The following MOB1B variants were observed in gnomAD, a reference collection of about 807,000 sequenced individuals.
MOB1B encodes MOB1 Mps One Binder homolog B.
Under a neutral mutation model 24.4 loss-of-function variants are expected in MOB1B, and 19 were observed. The observed-to-expected ratio is 0.78, with a 90% CI of 0.54 to 1.14. MOB1B has a LOEUF of 1.14. Among genes scored for constraint, MOB1B ranks in the 50% most tolerant of loss-of-function variants. The pLI, the probability that MOB1B is intolerant of heterozygous loss-of-function variation, is 0.00. For synonymous variants in MOB1B, 76 were observed against 82.1 expected, an observed-to-expected ratio of 0.93 and a Z score of 0.40; for missense variants, 243 against 259.6, an observed-to-expected ratio of 0.94 and a Z score of 0.44.
intron 2 of MOB1B, among the ~76,000 whole-genome samples, chr4:70,963,555 C>G (rs544576758): frequency 6.6e-6 from 1 of 152,046 alleles, no homozygotes; most frequent in Admixed American, 6.6e-5. Flanking sequence ...CATGGTGGCT[C>G]ATGCCTGTAA....
At chr4:70,953,535 A>G (rs371942309) in intron 1 of MOB1B, among the ~76,000 whole-genome samples, 8 of 152,204 alleles carry the variant, frequency 5.3e-5, no homozygotes, top group African/African-American at 1.4e-4. Context: ...ATTTACAAAC[A>G]TCTAATCTCT....
At chr4:70,971,008 T>G (rs928635346) in intron 3 of MOB1B, among the ~76,000 whole-genome samples, 1 of 152,216 alleles carries the variant, frequency 6.6e-6, no homozygotes, top group Non-Finnish European at 1.5e-5. Flanking sequence ...TTTACACCTC[T>G]TCCTGCAGAA....
At chr4:70,976,298 T>A in intron 4 of MOB1B, 2 of 985,052 alleles carry the variant, frequency 2.0e-6, no homozygotes, top group Non-Finnish European at 2.4e-6. Context: ...ATCTACTTAT[T>A]TAGGGAAGTT....
Position 70,982,048 on chromosome 4 carries a change from A to T in MOB1B, c.642A>T (p.Lys214Asn). 1 of 1,609,966 alleles carries T rather than the reference A, an allele frequency of 6.2e-7. No homozygotes were observed. The highest frequency in any genetic ancestry group is 8.5e-7 in the Non-Finnish European group (1 of 1,176,576). ...AACTGATTGAAAAACTCACCTCAAAAGACAGATAAAAGGATGCAGAGCTGT... is the reference window on the plus strand; with the variant it reads ...AACTGATTGAAAAACTCACCTCAAATGACAGATAAAAGGATGCAGAGCTGT... Reference protein sequence around the residue: ...LQELIEKLTSKDR With the variant: ...LQELIEKLTSNDR Residue 214 changes from lysine to asparagine, a missense_variant, in exon 6 of 6, where the codon AAA becomes AAT. By Grantham distance (94) the Lys-to-Asn change is moderately conservative (BLOSUM62 0). Coordinates refer to ENST00000309395, the MANE Select transcript of MOB1B (RefSeq NM_173468.4).
rs1739438972 is a variant in MOB1B, at chr4:70,988,056, C to T, written c.*5999C>T. The T allele has an allele frequency of 6.7e-6, 1 of 148,860 alleles. No individual in the cohort carries two copies. The highest frequency in any genetic ancestry group is 6.7e-5 in the Admixed American group (1 of 14,888). The allele number at this position is 148,860 out of a possible 1,614,324, so 9.2% of individuals were successfully genotyped here. A position where few individuals can be genotyped will look rare whatever the true frequency, so the allele number is the denominator to read the frequency against. ...AAAAGATGTAAATAATGTATACAGACTTGTATGTGATGGGATGGGAAATAT... is the reference window on the plus strand; with the variant it reads ...AAAAGATGTAAATAATGTATACAGATTTGTATGTGATGGGATGGGAAATAT... On this transcript the variant is annotated 3_prime_UTR_variant, in exon 6 of 6. Coordinates refer to ENST00000309395, the MANE Select transcript of MOB1B (RefSeq NM_173468.4).
chr4:70,963,528 A>G (rs1738387714), intron 2 of MOB1B, among the ~76,000 whole-genome samples: 2 of 151,854 alleles, frequency 1.3e-5, no homozygotes. Context: ...GTCCAACACA[A>G]AAGTTGATTG....
chr4:70,983,916 G>A lies in MOB1B; in HGVS notation c.*1859G>A, dbSNP rs577366706. 6.6e-6 allele frequency: 1 copy of A among 152,612 alleles called. No individual in the cohort carries two copies. The highest frequency in any genetic ancestry group is 2.1e-4 in the South Asian group (1 of 4,824). The allele number at this position is 152,612 out of a possible 1,614,324, so 9.5% of individuals were successfully genotyped here. On this transcript the variant is annotated 3_prime_UTR_variant, in exon 6 of 6. Transcript: ENST00000309395. ...CCTTAAATCTTTTTGTATTCAGATA[G>A]ATAATATGAATCATTATGGGTTGAT...
rs1738946151 is a variant in MOB1B, at chr4:70,975,525, A to G, written c.409+239A>G. The G allele has an allele frequency of 1.5e-5, 17 of 1,170,260 alleles. No individual in the cohort carries two copies. In the South Asian group the frequency reaches 6.0e-4, roughly 42 times the overall value. 72.5% of individuals were successfully genotyped at this position (1,170,260 alleles called of 1,614,324 possible). A position where few individuals can be genotyped will look rare whatever the true frequency, so the allele number is the denominator to read the frequency against. On this transcript the variant is annotated intron_variant, in intron 4 of 5. Coordinates refer to ENST00000309395, the MANE Select transcript of MOB1B (RefSeq NM_173468.4). ...TTTAACTTAGTGCTTTTAAATGCTT[A>G]ATTAGCTGAAAGTATAGGTTTATTA...
intron 1 of MOB1B, among the ~76,000 whole-genome samples, chr4:70,924,234 C>T (rs1257924008): frequency 6.6e-6 from 1 of 152,172 alleles, no homozygotes; most frequent in Non-Finnish European, 1.5e-5. Flanking sequence ...TTTTTGCTCA[C>T]ATATGCCTGG....
At chr4:70,952,681 A>AG (rs1560652180) in intron 1 of MOB1B, among the ~76,000 whole-genome samples, 1 of 151,150 alleles carries the variant, frequency 6.6e-6, no homozygotes. Context: ...CAAAAAAAAA[A>AG]CTTTCTAATG....
intron 1 of MOB1B, among the ~76,000 whole-genome samples, chr4:70,906,072 C>CT (rs1735722416): frequency 6.6e-6 from 1 of 150,712 alleles, no homozygotes; most frequent in African/African-American, 2.4e-5. Flanking sequence ...GAGTGAGACT[C>CT]TGTCTTAAAA....
rs1739313060 is a variant in MOB1B at position 70,984,332 on chromosome 4, A to T, written c.*2275A>T. The T allele has an allele frequency of 6.6e-6, 1 of 152,176 alleles. No homozygotes were observed. Among genetic ancestry groups the T allele is most frequent in the African/African-American group, 2.4e-5 (1 of 41,462 alleles). The allele number at this position is 152,176 out of a possible 1,614,324, so 9.4% of individuals were successfully genotyped here. On this transcript the variant is annotated 3_prime_UTR_variant, in exon 6 of 6. Transcript: ENST00000309395. ...GGCCTGGCATTGCACATGGTGTTAC[A>T]TGGCTACAAGTAAGGAAAAAATCAG...
At chr4:70,940,180 A>C (rs1272172929) in intron 1 of MOB1B, among the ~76,000 whole-genome samples, 1 of 151,664 alleles carries the variant, frequency 6.6e-6, no homozygotes, top group Non-Finnish European at 1.5e-5. Flanking sequence ...TTTTATAGGC[A>C]CAGGATGGGG....
intron 2 of MOB1B, among the ~76,000 whole-genome samples, chr4:70,965,852 A>G (rs939245589): frequency 2.0e-5 from 3 of 150,352 alleles, no homozygotes; most frequent in Admixed American, 6.6e-5. Context: ...TGAAGAAGTT[A>G]TAAATTTATC....
rs1306346318 is a variant in MOB1B, at chr4:70,929,647, A to AT, written c.14+27113dup. On this transcript the variant is annotated intron_variant, in intron 1 of 5. Coordinates refer to ENST00000309395, the MANE Select transcript of MOB1B (RefSeq NM_173468.4). ...AGGTACACGTCACCACACCAAGCTAATTTTTTTTTTTTTTTTGAGATGGAG... is the reference window on the plus strand; with the variant it reads ...AGGTACACGTCACCACACCAAGCTAATTTTTTTTTTTTTTTTTGAGATGGAG... Among the ~76,000 whole-genome samples, 1,199 of 135,234 alleles carry AT rather than the reference A, an allele frequency of 8.9e-3. 11 individuals carry two copies. The highest frequency in any genetic ancestry group is 0.02 in the African/African-American group (732 of 36,922). The allele number at this position is 135,234 out of a possible 152,430, so 88.7% of individuals were successfully genotyped here. A position where few individuals can be genotyped will look rare whatever the true frequency, so the allele number is the denominator to read the frequency against.
chr4:70,908,033 T>TC (rs1187844974), intron 1 of MOB1B, among the ~76,000 whole-genome samples: 1 of 151,648 alleles, frequency 6.6e-6, no homozygotes, highest in East Asian at 1.9e-4. Flanking sequence ...TTCTTTCTTT[T>TC]TTTTTTTTTT....
intron 1 of MOB1B, among the ~76,000 whole-genome samples, chr4:70,923,370 C>A (rs546058900): frequency 1.3e-5 from 2 of 152,176 alleles, no homozygotes; most frequent in African/African-American, 4.8e-5. Context: ...TAGGTGGGCA[C>A]CGGTGCCACA....
rs112736496 is a variant in MOB1B, at chr4:70,927,673, G to A, written c.14+25123G>A. ...ATGCTGTTTTTATTGTGTGGATGCG[G>A]GGGCCTCCCCTGCTTGTTCTTGGCA... On this transcript the variant is annotated intron_variant, in intron 1 of 5. Transcript: ENST00000309395. Among the ~76,000 whole-genome samples, 985 of 152,294 alleles carry A rather than the reference G, an allele frequency of 6.5e-3. 9 individuals are homozygous for A. Among genetic ancestry groups the A allele is most frequent in the African/African-American group, 0.023 (952 of 41,568 alleles).
chr4:70,956,571 C>T (rs1012328213), intron 1 of MOB1B, among the ~76,000 whole-genome samples: 6 of 152,114 alleles, frequency 3.9e-5, no homozygotes, highest in Non-Finnish European at 5.9e-5. Context: ...GCTGGGGTTA[C>T]AAGCATGCAC....
Sources: gnomAD v4.1 joint callset for allele counts (sites outside exome capture counted in the v4.1 genomes callset) on GRCh38, gnomAD v4.1.1 for gene constraint, MANE v1.5 for transcripts, NCBI Gene and HGNC (gene_info 2026-07-23, HGNC 2026-07-21) for gene names.